The following RHBDD2 variants were observed in gnomAD, a reference collection of about 807,000 sequenced individuals.
RHBDD2 encodes rhomboid domain containing 2, also known as rhomboid domain-containing protein 2.
RHBDD2 carries 13 observed loss-of-function variants against 21.7 expected under a neutral mutation model. That is an observed-to-expected ratio of 0.60 (90% CI 0.39 to 0.95). The LOEUF is 0.95. RHBDD2 is among the 40% of genes least tolerant of loss of function. The pLI is 0.00. For missense variants in RHBDD2, 473 were observed against 478.9 expected (o/e 0.99, Z 0.11); for synonymous variants, 225 against 220.0 (o/e 1.02, Z -0.20).
At position 75,881,923 on chromosome 7, in the gene RHBDD2, G is replaced by A. The variant is rs1805348477; in HGVS notation, c.273G>A (p.Glu91=). 1 of 1,614,094 alleles carries A rather than the reference G, an allele frequency of 6.2e-7. No homozygotes were observed. The highest frequency in any genetic ancestry group is 1.1e-5 in the South Asian group (1 of 91,088). Residue 91 remains glutamate, a synonymous_variant, in exon 2 of 4, where the codon GAG becomes GAA. Transcript: ENST00000006777. ...TCTGGCGCTTTGCTGGCAATTTCGA[G>A]AGAACCGTGGGCACCGTCCGCCACT... ...IIIWRFAGNF[E]RTVGTVRHCF...
At chr7:75,885,841 C>T (rs191284174) in intron 3 of RHBDD2, among the ~76,000 whole-genome samples, 2 of 152,274 alleles carry the variant, frequency 1.3e-5, no homozygotes, top group South Asian at 2.1e-4. Context: ...CACTGAGCTC[C>T]ACCTCTAGTG....
At chr7:75,887,920 A>C in intron 3 of RHBDD2, 72 bp from the exon 4 acceptor site, 1 of 1,332,502 alleles carries the variant, frequency 7.5e-7, no homozygotes. Flanking sequence ...AGCGGGGGCA[A>C]CCTCAAGCAC....
chr7:75,884,106 G>A (rs1348340144), intron 3 of RHBDD2, among the ~76,000 whole-genome samples: 1 of 152,116 alleles, frequency 6.6e-6, no homozygotes, highest in Non-Finnish European at 1.5e-5. Context: ...TGTTGGCCAG[G>A]CTGGTCTCGA....
At chr7:75,885,528 G>A (rs1228128474) in intron 3 of RHBDD2, among the ~76,000 whole-genome samples, 6 of 152,200 alleles carry the variant, frequency 3.9e-5, no homozygotes, top group African/African-American at 9.6e-5. Context: ...AAAGGAGCTC[G>A]CTGGGAAAGG....
At chr7:75,881,477 G>A (rs2115993676) in intron 1 of RHBDD2, 2 of 1,305,980 alleles carry the variant, frequency 1.5e-6, no homozygotes, top group East Asian at 5.3e-5. Context: ...CCCTCAAACT[G>A]CCCAGTGAGG....
rs782465297 is a variant in RHBDD2 at position 75,888,256 on chromosome 7, G to A, written c.1002G>A (p.Thr334=). Residue 334 remains threonine, a synonymous_variant, in exon 4 of 4, where the codon ACG becomes ACA. Transcript: ENST00000006777. ...CCTCCCTGGGCATCCAGCCCCCCAC[G>A]CCTGTGAACAGCCCTGGCACGGTGT... ...AGTSLGIQPP[T]PVNSPGTVYS... The A allele has an allele frequency of 1.2e-5, 19 of 1,613,518 alleles. No individual in the cohort carries two copies. Among genetic ancestry groups the A allele is most frequent in the Admixed American group, 3.3e-5 (2 of 60,004 alleles).
At chr7:75,887,349 G>C (rs1805742118) in intron 3 of RHBDD2, among the ~76,000 whole-genome samples, 1 of 147,660 alleles carries the variant, frequency 6.8e-6, no homozygotes, top group South Asian at 2.1e-4. Context: ...ACAGAGTCTT[G>C]CTCTGTCACC....
intron 3 of RHBDD2, 54 bp downstream of exon 3, chr7:75,883,902 T>C: frequency 7.0e-7 from 1 of 1,431,076 alleles, no homozygotes; most frequent in Non-Finnish European, 9.4e-7. Context: ...AAAAAATTAT[T>C]TTTTTTTTTT....
At chr7:75,881,579 G>A (rs376691255) in intron 1 of RHBDD2, 43 of 1,322,830 alleles carry the variant, frequency 3.3e-5, no homozygotes, top group East Asian at 2.9e-4. Context: ...TTTTCCCTCT[G>A]GAAGTCAGTT....
chr7:75,885,550 A>G (rs1456455165), intron 3 of RHBDD2, among the ~76,000 whole-genome samples: 3 of 152,070 alleles, frequency 2.0e-5, no homozygotes, highest in Non-Finnish European at 4.4e-5. Context: ...GTGTTCATCC[A>G]TTTTGTATTG....
chr7:75,880,972 C>T (rs1041436867), intron 1 of RHBDD2, among the ~76,000 whole-genome samples: 2 of 152,086 alleles, frequency 1.3e-5, no homozygotes, highest in Non-Finnish European at 2.9e-5. Flanking sequence ...AGTGATCCTT[C>T]CACCTAAGCC....
chr7:75,880,211 C>T (rs1183414480), intron 1 of RHBDD2: 1 of 151,980 alleles, frequency 6.6e-6, no homozygotes, highest in Non-Finnish European at 1.5e-5. Flanking sequence ...ACAGTTGCTT[C>T]TAGAATCTTT....
intron 2 of RHBDD2, 142 bp downstream of exon 2, chr7:75,882,378 A>G (rs782157900): frequency 4.6e-5 from 36 of 779,538 alleles, no homozygotes; most frequent in Admixed American, 2.1e-4. Context: ...GCTGGAGTGC[A>G]GTGGCAGGAT....
Position 75,882,003 on chromosome 7 carries a change from A to C in RHBDD2, c.353A>C (p.Glu118Ala). 6.2e-7 allele frequency: 1 copy of C among 1,614,098 alleles called. No individual in the cohort carries two copies. Among genetic ancestry groups the C allele is most frequent in the South Asian group, 1.1e-5 (1 of 91,074 alleles). Reference protein sequence around the residue: ...IFSAIIFLSFEAVSSLSKLGE... With the variant: ...IFSAIIFLSFAAVSSLSKLGE... The stretch of plus-strand genomic sequence containing the variant: ...TCCGCTATCATCTTCCTGTCATTCG[A>C]GGCTGTGTCATCACTGTCAAAGCTG... Residue 118 changes from glutamate to alanine, a missense_variant, in exon 2 of 4, where the codon GAG (glutamate) becomes GCG (alanine). Transcript: ENST00000006777.
At position 75,888,248 on chromosome 7, in the gene RHBDD2, C is replaced by T. The variant is rs782208972; in HGVS notation, c.994C>T (p.Pro332Ser). 1.4e-5 allele frequency: 22 copies of T among 1,613,612 alleles called. No homozygotes were observed. The highest frequency in any genetic ancestry group is 1.6e-5 in the Non-Finnish European group (19 of 1,180,052). Reference protein sequence around the residue: ...ASAGTSLGIQPPTPVNSPGTV... With the variant: ...ASAGTSLGIQSPTPVNSPGTV... The stretch of plus-strand genomic sequence containing the variant: ...TGCGGGCACCTCCCTGGGCATCCAG[C>T]CCCCCACGCCTGTGAACAGCCCTGG... Residue 332 changes from proline to serine, a missense_variant, in exon 4 of 4, where the codon CCC becomes TCC. Physicochemically the swap from Pro to Ser is moderately conservative, Grantham distance 74. Coordinates refer to ENST00000006777, the MANE Select transcript of RHBDD2 (RefSeq NM_001040456.3).
At chr7:75,884,269 T>C (rs1805518876) in intron 3 of RHBDD2, among the ~76,000 whole-genome samples, 1 of 152,174 alleles carries the variant, frequency 6.6e-6, no homozygotes, top group South Asian at 2.1e-4. Context: ...TTGCCCAGGC[T>C]GGATTGCAGT....
intron 2 of RHBDD2, among the ~76,000 whole-genome samples, chr7:75,882,761 A>G (rs1472666289): frequency 6.6e-6 from 1 of 152,014 alleles, no homozygotes; most frequent in Non-Finnish European, 1.5e-5. Context: ...TTGTTCTGAT[A>G]GGCGGTTAAC....
At position 75,886,252 on chromosome 7, in the gene RHBDD2, CTATT is replaced by C. The variant is rs1554543816; in HGVS notation, c.738-1738_738-1735del. Reference sequence around the variant, plus strand: ...CTGTCAACAGCTCAGAGCCCTTGGACTATTTTTCTAAAAGGCCAGGAGGGCTGCT... The same window carrying C: ...CTGTCAACAGCTCAGAGCCCTTGGACTTTCTAAAAGGCCAGGAGGGCTGCT... On this transcript the variant is annotated intron_variant, in intron 3 of 3. Coordinates refer to ENST00000006777, the MANE Select transcript of RHBDD2 (RefSeq NM_001040456.3). Among the ~76,000 whole-genome samples the C allele has an allele frequency of 3.3e-5, 5 of 152,240 alleles. 1 individual carries two copies. The Middle Eastern group carries it at 0.014, about 414-fold the overall frequency.
intron 3 of RHBDD2, among the ~76,000 whole-genome samples, chr7:75,887,740 G>A (rs1805766232): frequency 6.6e-6 from 1 of 152,070 alleles, no homozygotes. Flanking sequence ...CACCCCTCCG[G>A]TGGTCTCAGT....
Sources: allele counts gnomAD v4.1 joint callset (sites outside exome capture counted in the v4.1 genomes callset), GRCh38; gene constraint gnomAD v4.1.1; transcripts MANE v1.5; gene names NCBI Gene and HGNC (gene_info 2026-07-23, HGNC 2026-07-21).